Variants in SNX29 observed in about 807,000 individuals in gnomAD.
SNX29 encodes the protein sorting nexin-29.
Under a neutral mutation model 102.1 loss-of-function variants are expected in SNX29, and 78 were observed. The ratio of observed to expected loss-of-function variants is 0.76; its 90% CI spans 0.64 to 0.92. The LOEUF (loss-of-function observed/expected upper bound fraction) is 0.92, where lower values mean the gene tolerates loss of function less well. SNX29 is among the 40% of genes least tolerant of loss of function. The pLI, the probability that SNX29 is intolerant of heterozygous loss-of-function variation, is 0.00. For missense variants in SNX29, 1,280 were observed against 1,061.7 expected, an observed-to-expected ratio of 1.21 and a Z score of -2.86; for synonymous variants, 580 against 414.5, an observed-to-expected ratio of 1.40 and a Z score of -4.85.
chr16:12,356,129 C>T (rs751678083), intron 15 of SNX29, 34 bp from the exon 16 acceptor site: 11 of 1,590,320 alleles, frequency 6.9e-6, no homozygotes, highest in South Asian at 2.3e-5. Context: ...GAATGTCTGC[C>T]TCTAAGCCTC....
At chr16:12,112,000 G>A (rs1216221484) in intron 11 of SNX29, among the ~76,000 whole-genome samples, 1 of 152,168 alleles carries the variant, frequency 6.6e-6, no homozygotes, top group African/African-American at 2.4e-5. Context: ...CGTGGTCATC[G>A]TTCCCAGGGC....
At chr16:12,351,989 C>T (rs112548150) in intron 15 of SNX29, among the ~76,000 whole-genome samples, 2,446 of 152,196 alleles carry the variant, frequency 0.016, 56 homozygotes, top group African/African-American at 0.056. Context: ...AGGTGGATCC[C>T]AGCCATTTGG....
chr16:12,451,225 T>G (rs1412776155), intron 18 of SNX29, among the ~76,000 whole-genome samples: 1 of 152,182 alleles, frequency 6.6e-6, no homozygotes, highest in East Asian at 1.9e-4. Context: ...AAAGTACACA[T>G]TAGGTTCATA....
intron 3 of SNX29, among the ~76,000 whole-genome samples, chr16:12,023,592 AAAG>A (rs1429727457): frequency 6.8e-6 from 1 of 147,876 alleles, no homozygotes; most frequent in African/African-American, 2.6e-5. Context: ...AAAAAAAAGA[AAAG>A]AAAAGAAAAG....
chr16:12,392,948 C>T (rs916548126), intron 16 of SNX29, among the ~76,000 whole-genome samples: 1 of 152,204 alleles, frequency 6.6e-6, no homozygotes, highest in Non-Finnish European at 1.5e-5. Context: ...CTTGACCAAC[C>T]AAGCTGAGAG....
intron 20 of SNX29, among the ~76,000 whole-genome samples, chr16:12,531,486 C>G (rs2076931277): frequency 2.0e-5 from 3 of 152,176 alleles, no homozygotes; most frequent in African/African-American, 7.2e-5. Flanking sequence ...AAGGCCCTAC[C>G]AAGAGGGGAC....
Position 12,072,309 on chromosome 16 carries a change from A to G in SNX29, c.1319+3177A>G, listed in dbSNP as rs77682825. Among the ~76,000 whole-genome samples, 675 of 152,306 alleles carry G rather than the reference A, an allele frequency of 4.4e-3. 1 individual carries two copies. Among genetic ancestry groups the G allele is most frequent in the African/African-American group, 0.013 (527 of 41,550 alleles). Reference sequence around the variant, plus strand: ...GTATGATATTGGCTGTGGGTTTGTCATAGATAGCTCTTATTATTTTGAGAT... The same window carrying G: ...GTATGATATTGGCTGTGGGTTTGTCGTAGATAGCTCTTATTATTTTGAGAT... On this transcript the variant is annotated intron_variant, in intron 10 of 20. Transcript: ENST00000566228.
At chr16:12,177,064 C>T (rs2076276528) in intron 13 of SNX29, among the ~76,000 whole-genome samples, 1 of 152,182 alleles carries the variant, frequency 6.6e-6, no homozygotes, top group Non-Finnish European at 1.5e-5. Context: ...CCTCCTACCT[C>T]AGCCTCCTGA....
intron 20 of SNX29, among the ~76,000 whole-genome samples, chr16:12,554,534 C>T (rs7191878): frequency 6.6e-6 from 1 of 152,166 alleles, no homozygotes; most frequent in African/African-American, 2.4e-5. Context: ...ACATTCTCGC[C>T]CACGTTTTTG....
chr16:11,982,423 G>GTTTTTTTTTTTTTTTTTTTTTTT (rs60761477), intron 1 of SNX29, among the ~76,000 whole-genome samples: 1 of 120,354 alleles, frequency 8.3e-6, no homozygotes, highest in African/African-American at 3.0e-5. Flanking sequence ...CTTTCCATCA[G>GTTTTTTTTTTTTTTTTTTTTTTT]TTTTTTTTTT....
At chr16:12,435,083 A>G (rs771640233) in intron 18 of SNX29, among the ~76,000 whole-genome samples, 1 of 151,932 alleles carries the variant, frequency 6.6e-6, no homozygotes, top group Non-Finnish European at 1.5e-5. Context: ...CAGGCCCAGG[A>G]GAGGGTTGGA....
intron 20 of SNX29, among the ~76,000 whole-genome samples, chr16:12,567,139 A>T (rs1335816515): frequency 1.3e-5 from 2 of 152,228 alleles, no homozygotes; most frequent in African/African-American, 2.4e-5. Context: ...GATTTGTGAA[A>T]CTGGGCTTGG....
intron 3 of SNX29, among the ~76,000 whole-genome samples, chr16:12,016,012 C>T (rs753702291): frequency 7.9e-5 from 12 of 151,846 alleles, no homozygotes; most frequent in Non-Finnish European, 1.6e-4. Context: ...TTACAGGCGC[C>T]CGCCACCACG....
At chr16:12,564,593 G>A (rs188535924) in intron 20 of SNX29, among the ~76,000 whole-genome samples, 30 of 152,178 alleles carry the variant, frequency 2.0e-4, no homozygotes, top group Admixed American at 1.6e-3. Flanking sequence ...CCTTTTTCTT[G>A]TTTGTGAAAC....
chr16:12,549,842 C>T (rs1171453247), intron 20 of SNX29, among the ~76,000 whole-genome samples: 1 of 152,260 alleles, frequency 6.6e-6, no homozygotes, highest in African/African-American at 2.4e-5. Flanking sequence ...GCCTCCTTGG[C>T]CGCATGACTG....
intron 14 of SNX29, among the ~76,000 whole-genome samples, chr16:12,213,482 G>GA (rs888276689): frequency 4.1e-5 from 5 of 121,752 alleles, no homozygotes; most frequent in African/African-American, 1.0e-4. Context: ...TGAAATAAAG[G>GA]AAAAAAATAA....
intron 5 of SNX29, among the ~76,000 whole-genome samples, chr16:12,045,479 C>T (rs911661578): frequency 2.0e-5 from 3 of 152,062 alleles, no homozygotes; most frequent in Non-Finnish European, 4.4e-5. Context: ...GCCAGATGAC[C>T]TTGGACAGGC....
chr16:12,429,337 G>A (rs1395630361), intron 18 of SNX29, among the ~76,000 whole-genome samples: 1 of 152,212 alleles, frequency 6.6e-6, no homozygotes, highest in Non-Finnish European at 1.5e-5. Flanking sequence ...AGATACGATT[G>A]CAGTTGATAT....
At chr16:12,484,077 T>G (rs1185909287) in intron 19 of SNX29, among the ~76,000 whole-genome samples, 2 of 152,238 alleles carry the variant, frequency 1.3e-5, no homozygotes, top group East Asian at 3.9e-4. Context: ...GCCTGTCCCA[T>G]GGACTCCACT....
Sources: gnomAD v4.1 joint callset for allele counts (sites outside exome capture counted in the v4.1 genomes callset) on GRCh38, gnomAD v4.1.1 for gene constraint, MANE v1.5 for transcripts, NCBI Gene and HGNC (gene_info 2026-07-23, HGNC 2026-07-21) for gene names.